The following DDAH1 variants were observed in gnomAD, a reference collection of about 807,000 sequenced individuals.
The protein encoded by DDAH1 is N(G),N(G)-dimethylarginine dimethylaminohydrolase 1.
Under a neutral mutation model 28.8 loss-of-function variants are expected in DDAH1, and 19 were observed. The ratio of observed to expected loss-of-function variants is 0.66; its 90% CI spans 0.46 to 0.97. DDAH1 has a LOEUF of 0.97. Among genes scored for constraint, DDAH1 ranks in the 50% least tolerant of loss-of-function variants. DDAH1 has a pLI of 0.00. For missense variants in DDAH1, 326 were observed against 375.9 expected (o/e 0.87, Z 1.10); for synonymous variants, 153 against 154.4 (o/e 0.99, Z 0.07).
intron 1 of DDAH1, among the ~76,000 whole-genome samples, chr1:85,501,146 A>G (rs1252589097): frequency 6.6e-6 from 1 of 152,174 alleles, no homozygotes; most frequent in African/African-American, 2.4e-5. Context: ...TAGACATTAA[A>G]CGCTACATTA....
At chr1:85,377,556 G>A (rs1650738167) in intron 1 of DDAH1, among the ~76,000 whole-genome samples, 1 of 152,182 alleles carries the variant, frequency 6.6e-6, no homozygotes, top group South Asian at 2.1e-4. Context: ...ATTTTTAGAC[G>A]TTTCCATACA....
At chr1:85,436,996 A>C (rs1557629712) in intron 1 of DDAH1, among the ~76,000 whole-genome samples, 1 of 152,172 alleles carries the variant, frequency 6.6e-6, no homozygotes. Flanking sequence ...TTTCCCTTGA[A>C]TATGGGCCAG....
At chr1:85,353,271 T>C (rs233085) in intron 2 of DDAH1, among the ~76,000 whole-genome samples, 8,277 of 152,264 alleles carry the variant, frequency 0.054, 778 homozygotes, top group African/African-American at 0.19. Flanking sequence ...CCTTTATTTA[T>C]TGAAATTCCA....
chr1:85,566,522 TA>T (rs1659309310), intron 1 of DDAH1, among the ~76,000 whole-genome samples: 1 of 137,468 alleles, frequency 7.3e-6, no homozygotes, highest in Non-Finnish European at 1.6e-5. Flanking sequence ...GAAAGAAAAA[TA>T]AAGTAGTAGA....
intron 1 of DDAH1, among the ~76,000 whole-genome samples, chr1:85,450,634 A>C (rs992231762): frequency 2.6e-5 from 4 of 152,200 alleles, no homozygotes; most frequent in Non-Finnish European, 5.9e-5. Flanking sequence ...CACAGCATTC[A>C]AAAAACTTTG....
intron 2 of DDAH1, among the ~76,000 whole-genome samples, chr1:85,484,769 T>C (rs754927349): frequency 2.0e-5 from 3 of 152,200 alleles, no homozygotes; most frequent in Non-Finnish European, 4.4e-5. Flanking sequence ...TCTCGCTCAG[T>C]AACCCTATCA....
chr1:85,522,841 A>T, intron 1 of DDAH1, among the ~76,000 whole-genome samples: 1 of 151,874 alleles, frequency 6.6e-6, no homozygotes, highest in East Asian at 1.9e-4. Context: ...AAGTTGGTTT[A>T]TGTAATACTT....
chr1:85,324,272 A>AAATAATAAT (rs71075831), intron 5 of DDAH1, among the ~76,000 whole-genome samples: 4,559 of 142,216 alleles, frequency 0.032, 121 homozygotes, highest in African/African-American at 0.059. Context: ...CCTGTCTCAA[A>AAATAATAAT]AATAATAATA....
chr1:85,525,128 C>T (rs529909367), intron 1 of DDAH1, among the ~76,000 whole-genome samples: 2 of 151,424 alleles, frequency 1.3e-5, no homozygotes, highest in South Asian at 2.1e-4. Context: ...ACATCACAGG[C>T]TATGGGCTGA....
intron 1 of DDAH1, among the ~76,000 whole-genome samples, chr1:85,519,088 CT>C (rs71075842): frequency 0.26 from 17,493 of 66,880 alleles, 1,038 homozygotes; most frequent in East Asian, 0.4. Flanking sequence ...AAAGACGGAT[CT>C]TTTTTTTTTT....
intron 1 of DDAH1, among the ~76,000 whole-genome samples, chr1:85,508,713 C>T (rs1436078696): frequency 5.3e-5 from 8 of 152,244 alleles, no homozygotes; most frequent in African/African-American, 1.7e-4. Context: ...GATCCTTGCT[C>T]ACTGCTAGGG....
At chr1:85,352,570 C>A (rs1649277280) in intron 2 of DDAH1, among the ~76,000 whole-genome samples, 1 of 152,044 alleles carries the variant, frequency 6.6e-6, no homozygotes, top group Non-Finnish European at 1.5e-5. Context: ...ATATTTATTC[C>A]CTGATTTAAC....
chr1:85,482,215 A>C (rs1656035184), intron 2 of DDAH1: 2 of 152,158 alleles, frequency 1.3e-5, no homozygotes, highest in Admixed American at 1.3e-4. Flanking sequence ...GTGATTACCA[A>C]CCATGTAGGA....
intron 1 of DDAH1, among the ~76,000 whole-genome samples, chr1:85,458,027 A>T (rs1654973810): frequency 6.6e-6 from 1 of 152,208 alleles, no homozygotes; most frequent in Non-Finnish European, 1.5e-5. Flanking sequence ...TTACTTACAC[A>T]TATTCAAACA....
At chr1:85,357,631 C>T (rs559659206) in intron 2 of DDAH1, among the ~76,000 whole-genome samples, 1 of 152,316 alleles carries the variant, frequency 6.6e-6, no homozygotes, top group Non-Finnish European at 1.5e-5. Context: ...TTTCAGTGGG[C>T]CACTTGGGGC....
chr1:85,546,225 G>C (rs573495187), intron 1 of DDAH1, among the ~76,000 whole-genome samples: 5 of 152,064 alleles, frequency 3.3e-5, no homozygotes, highest in Admixed American at 6.5e-5. Flanking sequence ...TGGCAACTCT[G>C]CCCTCATGAA....
chr1:85,470,161 G>A (rs1326890057), intron 2 of DDAH1, among the ~76,000 whole-genome samples: 2 of 152,184 alleles, frequency 1.3e-5, no homozygotes, highest in Admixed American at 1.3e-4. Context: ...TTTTCACACT[G>A]CTGATAAAGA....
intron 1 of DDAH1, among the ~76,000 whole-genome samples, chr1:85,456,009 T>C (rs1224948775): frequency 1.3e-5 from 2 of 152,144 alleles, no homozygotes; most frequent in Non-Finnish European, 2.9e-5. Context: ...ATGTAAGTTA[T>C]CATCAGCTCC....
intron 1 of DDAH1, among the ~76,000 whole-genome samples, chr1:85,373,866 C>T (rs926144172): frequency 6.6e-6 from 1 of 151,754 alleles, no homozygotes; most frequent in East Asian, 1.9e-4. Flanking sequence ...TTAAGTATAC[C>T]TCTTAAGACT....
Sources: gnomAD v4.1 joint callset for allele counts (sites outside exome capture counted in the v4.1 genomes callset) on GRCh38, gnomAD v4.1.1 for gene constraint, MANE v1.5 for transcripts, NCBI Gene and HGNC (gene_info 2026-07-23, HGNC 2026-07-21) for gene names.